Variants in SLC16A7 observed in about 807,000 individuals in gnomAD.
The protein encoded by SLC16A7 is solute carrier family 16 member 7.
A neutral mutation model predicts 34.9 loss-of-function variants in SLC16A7; 33 were observed. That is an observed-to-expected ratio of 0.94 (90% CI 0.72 to 1.26). The LOEUF is 1.26. Ranked by LOEUF, SLC16A7 falls within the 50% of genes most tolerant of loss-of-function variation. The pLI, the probability that SLC16A7 is intolerant of heterozygous loss-of-function variation, is 0.00. For synonymous variants in SLC16A7, 201 were observed against 206.6 expected (o/e 0.97, Z 0.23); for missense variants, 573 against 578.1 (o/e 0.99, Z 0.09).
intron 4 of SLC16A7, among the ~76,000 whole-genome samples, chr12:59,773,117 A>T (rs1490789767): frequency 6.6e-6 from 1 of 151,746 alleles, no homozygotes. Context: ...AAAAAAAAAA[A>T]CCTTAAGCTC....
rs34021022 is a variant in SLC16A7, at chr12:59,704,199, CAAAAAAAAA to C, written c.-30-562_-30-554del. Among the ~76,000 whole-genome samples, 31 of 51,614 alleles carry C rather than the reference CAAAAAAAAA, an allele frequency of 6.0e-4. 1 individual carries two copies. In the East Asian group the frequency reaches 0.018, roughly 30 times the overall value. The allele number at this position is 51,614 out of a possible 152,430, so 33.9% of individuals were successfully genotyped here. ...TGGGCCACAGAGTGAGACTCTGTCT[CAAAAAAAAA>C]AAAAAAAAAAGAAAAAGAAAAAAAA... On this transcript the variant is annotated intron_variant, in intron 2 of 5. Transcript: ENST00000547379.
At chr12:59,771,937 C>A (rs1484134838) in intron 4 of SLC16A7, among the ~76,000 whole-genome samples, 2 of 152,232 alleles carry the variant, frequency 1.3e-5, no homozygotes, top group East Asian at 3.9e-4. Context: ...TTTCTTCTAA[C>A]ACAAATATTA....
At chr12:59,762,368 G>A (rs1049740497) in intron 3 of SLC16A7, among the ~76,000 whole-genome samples, 5 of 151,970 alleles carry the variant, frequency 3.3e-5, no homozygotes, top group Admixed American at 6.6e-5. Flanking sequence ...TCATAAGTAC[G>A]TTTCTATTAT....
chr12:59,624,312 A>G lies in SLC16A7; in HGVS notation c.-130+28076A>G, dbSNP rs190025350. 3.2e-3 allele frequency among the ~76,000 whole-genome samples: 485 copies of G among 151,760 alleles called. 4 individuals carry two copies. Among genetic ancestry groups the G allele is most frequent in the African/African-American group, 0.011 (470 of 41,478 alleles). ...TTTTTTTCTTTTAATAATAACTTAC[A>G]TATGAGCAGTTTTTAAAATAGTTCT... is the stretch of plus-strand genomic sequence containing the variant. On this transcript the variant is annotated intron_variant, in intron 1 of 5. Transcript: ENST00000547379.
chr12:59,625,744 C>A lies in SLC16A7; in HGVS notation c.-129-29408C>A, dbSNP rs765990735. Among the ~76,000 whole-genome samples the A allele has an allele frequency of 4.0e-5, 6 of 151,860 alleles. No homozygotes were observed. In the East Asian group the frequency reaches 1.2e-3, roughly 30 times the overall value. ...CTTAGCTGTGGCCTTGGGTAAGGAT[C>A]GTGTGGTATAAGCATGTCTACCTAG... On this transcript the variant is annotated intron_variant, in intron 1 of 5. Coordinates refer to ENST00000547379, the MANE Select transcript of SLC16A7 (RefSeq NM_001270623.2).
At chr12:59,749,147 T>C (rs1012263373) in intron 3 of SLC16A7, among the ~76,000 whole-genome samples, 8 of 152,248 alleles carry the variant, frequency 5.3e-5, no homozygotes, top group Non-Finnish European at 1.2e-4. Flanking sequence ...GAAATTAGCA[T>C]TGAGAATTTA....
chr12:59,637,839 G>A (rs561961026), intron 1 of SLC16A7, among the ~76,000 whole-genome samples: 1 of 152,202 alleles, frequency 6.6e-6, no homozygotes, highest in East Asian at 1.9e-4. Context: ...TATCATGTGA[G>A]TTGATAAGTT....
At chr12:59,612,122 C>T (rs978765109) in intron 1 of SLC16A7, among the ~76,000 whole-genome samples, 1 of 152,246 alleles carries the variant, frequency 6.6e-6, no homozygotes, top group Non-Finnish European at 1.5e-5. Flanking sequence ...TTCCCTTCCT[C>T]ACTGTCCTCA....
intron 3 of SLC16A7, among the ~76,000 whole-genome samples, chr12:59,746,406 C>T (rs1878896841): frequency 6.6e-6 from 1 of 152,148 alleles, no homozygotes. Flanking sequence ...GTGACATGAG[C>T]ACCTGAAAAT....
At chr12:59,776,213 T>TGAGA (rs200313617) in intron 5 of SLC16A7, among the ~76,000 whole-genome samples, 1 of 151,526 alleles carries the variant, frequency 6.6e-6, no homozygotes, top group Non-Finnish European at 1.5e-5. Flanking sequence ...GTCTAATACT[T>TGAGA]GAGAGAGAGA....
chr12:59,618,314 A>C lies in SLC16A7; in HGVS notation c.-130+22078A>C, dbSNP rs555866612. 4.9e-4 allele frequency among the ~76,000 whole-genome samples: 74 copies of C among 152,070 alleles called. No homozygotes were observed. In the Middle Eastern group the frequency reaches 0.014, roughly 28 times the overall value. On this transcript the variant is annotated intron_variant, in intron 1 of 5. Coordinates refer to ENST00000547379, the MANE Select transcript of SLC16A7 (RefSeq NM_001270623.2). ...TTGTTAAACCACATGGCTAGCATAA[A>C]TTGCTATACTATTATAAATGTAATA...
At chr12:59,710,120 C>A (rs1874053958) in intron 3 of SLC16A7, among the ~76,000 whole-genome samples, 2 of 151,722 alleles carry the variant, frequency 1.3e-5, no homozygotes, top group Admixed American at 6.5e-5. Context: ...ATGAAATGTA[C>A]AAGTGCTACT....
At chr12:59,631,165 T>C (rs1565624823) in intron 1 of SLC16A7, among the ~76,000 whole-genome samples, 1 of 151,992 alleles carries the variant, frequency 6.6e-6, no homozygotes, top group Non-Finnish European at 1.5e-5. Context: ...CTCCAACTGT[T>C]ACTAATAAAT....
chr12:59,744,724 T>TA (rs1288452621), intron 3 of SLC16A7, among the ~76,000 whole-genome samples: 1 of 152,170 alleles, frequency 6.6e-6, no homozygotes, highest in Non-Finnish European at 1.5e-5. Flanking sequence ...GTGCTGACTG[T>TA]AACACATGCC....
rs1883573435 is a variant in SLC16A7 at position 59,785,806 on chromosome 12, T to TG, written c.*6127_*6128insG. On this transcript the variant is annotated 3_prime_UTR_variant, in exon 6 of 6. Transcript: ENST00000547379. ...ATTTTTTGTTTCTTTTTAATTTAAA[T>TG]ATGGCAAAATAAGCTAGAGAATCTC... 1.3e-5 allele frequency: 2 copies of TG among 152,098 alleles called. No homozygotes were observed. The highest frequency in any genetic ancestry group is 4.8e-5 in the African/African-American group (2 of 41,426). 9.4% of individuals were successfully genotyped at this position (152,098 alleles called of 1,614,324 possible). A position where few individuals can be genotyped will look rare whatever the true frequency, so the allele number is the denominator to read the frequency against.
intron 3 of SLC16A7, among the ~76,000 whole-genome samples, chr12:59,737,913 G>A (rs1410330051): frequency 6.6e-6 from 1 of 152,166 alleles, no homozygotes; most frequent in African/African-American, 2.4e-5. Flanking sequence ...CTAAACTAGA[G>A]TACACCACAC....
chr12:59,672,200 A>ACATATATACGTATATATATGTATATATG (rs1565641598), intron 2 of SLC16A7, among the ~76,000 whole-genome samples: 1 of 31,488 alleles, frequency 3.2e-5, no homozygotes, highest in African/African-American at 8.4e-5. Context: ...ACGTATATAT[A>ACATATATACGTATATATATGTATATATG]CATATATACG....
intron 1 of SLC16A7, among the ~76,000 whole-genome samples, chr12:59,634,023 C>A (rs185609886): frequency 3.3e-5 from 5 of 152,104 alleles, no homozygotes; most frequent in African/African-American, 1.2e-4. Flanking sequence ...GTAACCCTTA[C>A]TGATGATTAC....
rs774117185 is a variant in SLC16A7 at position 59,771,269 on chromosome 12, A to G, written c.268A>G (p.Ile90Val). The change falls in exon 4 of 6, where the codon ATA becomes GTA. Residue 90 changes from isoleucine to valine, a missense_variant. Transcript: ENST00000547379. ...TAAATACGGCAGCCGGCCGGTGGTG[A>G]TAGCAGGAGGCTTATTATGCTGTCT... Reference protein sequence around the residue: ...VNKYGSRPVVIAGGLLCCLGM... With the variant: ...VNKYGSRPVVVAGGLLCCLGM... 6.2e-7 allele frequency: 1 copy of G among 1,613,310 alleles called. No homozygotes were observed. Among genetic ancestry groups the G allele is most frequent in the African/African-American group, 1.3e-5 (1 of 74,862 alleles).
Sources: allele counts gnomAD v4.1 joint callset (sites outside exome capture counted in the v4.1 genomes callset), GRCh38; gene constraint gnomAD v4.1.1; transcripts MANE v1.5; gene names NCBI Gene and HGNC (gene_info 2026-07-23, HGNC 2026-07-21).